RNPC3: variants seen among roughly 807,000 people sequenced by gnomAD.
RNPC3 encodes RNA-binding region-containing protein 3.
RNPC3 carries 48 observed loss-of-function variants against 67.5 expected under a neutral mutation model. The observed-to-expected ratio is 0.71, with a 90% CI of 0.56 to 0.90. The LOEUF (loss-of-function observed/expected upper bound fraction) is 0.90. RNPC3 is among the 40% of genes least tolerant of loss of function. The probability of loss-of-function intolerance (pLI) is 0.00; values close to 1 mark genes in which losing one functional copy is unlikely to be tolerated. For synonymous variants in RNPC3, 239 were observed against 210.3 expected, an observed-to-expected ratio of 1.14 and a Z score of -1.18; for missense variants, 637 against 626.1, an observed-to-expected ratio of 1.02 and a Z score of -0.19.
chr1:103,537,834 T>TTTATCA (rs1651022293), intron 7 of RNPC3, among the ~76,000 whole-genome samples: 1 of 151,504 alleles, frequency 6.6e-6, no homozygotes, highest in African/African-American at 2.4e-5. Flanking sequence ...GTGCTTTTTA[T>TTTATCA]TTATTATTAT....
chr1:103,533,719 T>A lies in RNPC3; in HGVS notation c.241-20T>A, dbSNP rs1280117013. 2 of 1,263,074 alleles carry A rather than the reference T, an allele frequency of 1.6e-6. No homozygotes were observed. Among genetic ancestry groups the A allele is most frequent in the South Asian group, 1.3e-5 (1 of 78,120 alleles). 78.2% of individuals were successfully genotyped at this position (1,263,074 alleles called of 1,614,324 possible). On this transcript the variant is annotated intron_variant, in intron 2 of 14. Coordinates refer to ENST00000423855, the MANE Select transcript of RNPC3 (RefSeq NM_017619.4). ...TTTGGTACAATTGTGAAATGTTTAC[T>A]CTTGTTCTTTTAACTGAAGGCATTG...
At chr1:103,551,691 A>T (rs1244096222) in intron 13 of RNPC3, 30 bp from the exon 14 acceptor site, 5 of 1,412,964 alleles carry the variant, frequency 3.5e-6, no homozygotes, top group Admixed American at 2.2e-5. Context: ...TTGCATATTC[A>T]TGAAGGAAAC....
chr1:103,532,799 C>A (rs1443437483), intron 2 of RNPC3, among the ~76,000 whole-genome samples: 1 of 151,890 alleles, frequency 6.6e-6, no homozygotes, highest in Non-Finnish European at 1.5e-5. Context: ...GATCATTAGC[C>A]CAACAATGCA....
chr1:103,534,007 C>A, intron 3 of RNPC3, 150 bp downstream of exon 3: 1 of 591,086 alleles, frequency 1.7e-6, no homozygotes, highest in Non-Finnish European at 3.0e-6. Context: ...TACAGTAAAA[C>A]AGTATGTTTA....
chr1:103,553,563 C>T (rs909565144), intron 14 of RNPC3: 1 of 152,144 alleles, frequency 6.6e-6, no homozygotes, highest in Non-Finnish European at 1.5e-5. Flanking sequence ...ATCAGGTCAA[C>T]TTACTTAGAG....
rs1427444440 is a variant in RNPC3, at chr1:103,545,040, A to T, written c.1145A>T (p.Asp382Val). 2.0e-6 allele frequency: 3 copies of T among 1,534,596 alleles called. No individual in the cohort carries two copies. The highest frequency in any genetic ancestry group is 2.6e-6 in the Non-Finnish European group (3 of 1,145,374). The change falls in exon 10 of 15, where the codon GAT (aspartate) becomes GTT (valine). Residue 382 changes from aspartate to valine, a missense_variant. Asp to Val is a radical substitution (Grantham distance 152, BLOSUM62 -3). This residue lies in a region of RNPC3 where 536 missense variants were observed against 500.3 expected (regional missense o/e 1.07). Transcript: ENST00000423855. The part of the protein sequence containing the change: ...DITEEIKEDS[D>V]EMPSECISRR... ...ACAGAGGAGATTAAAGAAGACTCTG[A>T]TGAAATGCCTTCAGAATGTATTTCT...
At chr1:103,534,753 C>T (rs1650940909) in intron 3 of RNPC3, 21 bp from the exon 4 acceptor site, 1 of 1,410,880 alleles carries the variant, frequency 7.1e-7, no homozygotes, top group East Asian at 2.7e-5. Context: ...ATAAGATTAA[C>T]TTTGATTCTG....
At chr1:103,534,552 A>G (rs1650936601) in intron 3 of RNPC3, among the ~76,000 whole-genome samples, 1 of 151,952 alleles carries the variant, frequency 6.6e-6, no homozygotes. Flanking sequence ...GTAGTGCTCA[A>G]TGTAATAATA....
chr1:103,547,081 C>G (rs1275159679), intron 12 of RNPC3, 46 bp downstream of exon 12: 6 of 1,122,574 alleles, frequency 5.3e-6, no homozygotes, highest in Non-Finnish European at 7.5e-6. Context: ...TTGTTTTTAT[C>G]TATTACAAAT....
At chr1:103,553,226 C>G (rs1427584718) in intron 14 of RNPC3, 2 of 152,148 alleles carry the variant, frequency 1.3e-5, no homozygotes. Context: ...AAATCTGGTG[C>G]TGAAAAATAA....
chr1:103,545,746 G>A (rs1651228039), intron 10 of RNPC3: 1 of 152,344 alleles, frequency 6.6e-6, no homozygotes, highest in African/African-American at 2.4e-5. Flanking sequence ...TGTCTGAGAT[G>A]CCTGATACTG....
rs150205536 is a variant in RNPC3 at position 103,555,097 on chromosome 1, G to A, written c.*76G>A. On this transcript the variant is annotated 3_prime_UTR_variant, in exon 15 of 15. Coordinates refer to ENST00000423855, the MANE Select transcript of RNPC3 (RefSeq NM_017619.4). ...TTTGAGAGGAAGAAATTGACCACCTGGACTATGGAACTGTGCGTAACAGCT... is the reference window on the plus strand; with the variant it reads ...TTTGAGAGGAAGAAATTGACCACCTAGACTATGGAACTGTGCGTAACAGCT... The A allele has an allele frequency of 8.3e-4, 126 of 151,832 alleles. No homozygotes were observed. Among genetic ancestry groups the A allele is most frequent in the African/African-American group, 2.9e-3 (122 of 41,442 alleles). 9.4% of individuals were successfully genotyped at this position (151,832 alleles called of 1,614,324 possible).
intron 8 of RNPC3, among the ~76,000 whole-genome samples, chr1:103,542,032 CT>C (rs1189434773): frequency 2.6e-5 from 4 of 152,026 alleles, no homozygotes; most frequent in Non-Finnish European, 4.4e-5. Context: ...GTAAGGTTTT[CT>C]GCTAAATATT....
At chr1:103,546,156 A>G (rs1055845258) in intron 10 of RNPC3, 92 bp from the exon 11 acceptor site, 58 of 526,484 alleles carry the variant, frequency 1.1e-4, no homozygotes, top group East Asian at 4.1e-4. Context: ...TATTTTGTCT[A>G]TTTAACAATT....
chr1:103,541,498 A>G, intron 8 of RNPC3, 23 bp downstream of exon 8: 1 of 1,471,426 alleles, frequency 6.8e-7, no homozygotes, highest in Non-Finnish European at 8.9e-7. Flanking sequence ...GAACTAAGAA[A>G]TGAGGGTTGT....
intron 2 of RNPC3, among the ~76,000 whole-genome samples, chr1:103,529,462 C>T (rs987947215): frequency 6.6e-5 from 10 of 151,910 alleles, no homozygotes; most frequent in Non-Finnish European, 1.2e-4. Flanking sequence ...GGCTAGAGAG[C>T]ATTTGGCCTA....
intron 2 of RNPC3, among the ~76,000 whole-genome samples, chr1:103,527,975 T>G (rs1228288405): frequency 6.6e-6 from 1 of 152,246 alleles, no homozygotes; most frequent in African/African-American, 2.4e-5. Flanking sequence ...CTAAATGATT[T>G]AGATTGATAA....
intron 12 of RNPC3, among the ~76,000 whole-genome samples, chr1:103,548,137 A>G (rs950659162): frequency 6.6e-6 from 1 of 152,094 alleles, no homozygotes; most frequent in Non-Finnish European, 1.5e-5. Flanking sequence ...TCCTCAGGTG[A>G]TGGGAGGGGC....
chr1:103,541,704 T>G (rs1316062130), intron 8 of RNPC3, among the ~76,000 whole-genome samples: 1 of 152,126 alleles, frequency 6.6e-6, no homozygotes, highest in East Asian at 1.9e-4. Context: ...GTCTGCAGAC[T>G]CAGAATATCT....
Sources: allele counts gnomAD v4.1 joint callset (sites outside exome capture counted in the v4.1 genomes callset), GRCh38; gene constraint gnomAD v4.1.1; regional missense constraint gnomAD v4.1.1; transcripts MANE v1.5; gene names NCBI Gene and HGNC (gene_info 2026-07-23, HGNC 2026-07-21).